Variants in GJB6 observed in about 807,000 individuals in gnomAD.
The protein encoded by GJB6 is gap junction beta-6 protein.
In GJB6, 5 loss-of-function variants were observed where a neutral mutation model predicts 5.4. The observed-to-expected ratio is 0.92, with a 90% CI of 0.48 to 1.93. The LOEUF (loss-of-function observed/expected upper bound fraction) is 1.93. GJB6 is among the 30% of genes most tolerant of loss of function. GJB6 has a pLI of 0.01. For synonymous variants in GJB6, 136 were observed against 129.6 expected (o/e 1.05, Z -0.34); for missense variants, 298 against 326.9 (o/e 0.91, Z 0.68).
intron 4 of GJB6, among the ~76,000 whole-genome samples, chr13:20,228,685 C>CT (rs1165817150): frequency 1.0e-5 from 1 of 96,348 alleles, no homozygotes; most frequent in Non-Finnish European, 2.6e-5. Flanking sequence ...GGGGTTTCAC[C>CT]GTGTTAGCCA....
rs1480009272 is a variant in GJB6, at chr13:20,222,289, ATACTT to A, written c.*401_*405del. ...GTAAGGAAGACCAGTCATTATAAAA[ATACTT>A]TATATAAATTCAAAGTCAGAACTAA... On this transcript the variant is annotated 3_prime_UTR_variant, in exon 5 of 5. Coordinates refer to ENST00000647029, the MANE Select transcript of GJB6 (RefSeq NM_001110219.3). The A allele has an allele frequency of 5.7e-6, 1 of 174,098 alleles. No homozygotes were observed. The highest frequency in any genetic ancestry group is 2.4e-5 in the African/African-American group (1 of 41,766). 10.8% of individuals were successfully genotyped at this position (174,098 alleles called of 1,614,324 possible).
At chr13:20,223,528 G>GT (rs747786856) in intron 4 of GJB6, 33 bp from the exon 5 acceptor site, 14 of 1,526,358 alleles carry the variant, frequency 9.2e-6, no homozygotes, top group African/African-American at 1.4e-5. Flanking sequence ...AGGTTTATTA[G>GT]TGGAAGAGGC....
chr13:20,224,236 T>A (rs1422786118), intron 4 of GJB6, among the ~76,000 whole-genome samples: 1 of 152,138 alleles, frequency 6.6e-6, no homozygotes, highest in African/African-American at 2.4e-5. Context: ...AAACTTTCAT[T>A]GGAATGACAT....
chr13:20,228,686 G>T (rs868299266), intron 4 of GJB6, among the ~76,000 whole-genome samples: 63 of 149,810 alleles, frequency 4.2e-4, no homozygotes, highest in Admixed American at 8.0e-4. Flanking sequence ...GGGTTTCACC[G>T]TGTTAGCCAG....
chr13:20,228,654 T>G (rs968570441), intron 4 of GJB6, among the ~76,000 whole-genome samples: 1 of 150,830 alleles, frequency 6.6e-6, no homozygotes, highest in Non-Finnish European at 1.5e-5. Context: ...CCGGCTAATT[T>G]TTTGTATTTT....
chr13:20,223,253 C>A lies in GJB6; in HGVS notation c.228G>T (p.Leu76=). The A allele has an allele frequency of 6.2e-7, 1 of 1,611,348 alleles. No homozygotes were observed. Among genetic ancestry groups the A allele is most frequent in the South Asian group, 1.1e-5 (1 of 91,022 alleles). ...AGACGAAGATCAGCTGGAGGGCCCACAGCCGGATGTGGGACACCGGGAAAA... is the reference window on the plus strand; with the variant it reads ...AGACGAAGATCAGCTGGAGGGCCCAAAGCCGGATGTGGGACACCGGGAAAA... ...DHFFPVSHIR[L]WALQLIFVST... The change falls in exon 5 of 5, where the codon CTG becomes CTT. Residue 76 remains leucine (L), a synonymous_variant. Transcript: ENST00000647029.
chr13:20,225,969 C>A (rs946037378), intron 4 of GJB6, among the ~76,000 whole-genome samples: 2 of 152,024 alleles, frequency 1.3e-5, no homozygotes, highest in South Asian at 2.1e-4. Flanking sequence ...CACAAGGTTG[C>A]GAAAAAGAGA....
intron 4 of GJB6, among the ~76,000 whole-genome samples, chr13:20,226,702 T>TGTTC (rs1249168405): frequency 6.6e-6 from 1 of 152,254 alleles, no homozygotes; most frequent in African/African-American, 2.4e-5. Flanking sequence ...TTACAGCAGC[T>TGTTC]GTTCACCTAT....
At chr13:20,227,001 G>C (rs138876786) in intron 4 of GJB6, among the ~76,000 whole-genome samples, 4 of 152,098 alleles carry the variant, frequency 2.6e-5, no homozygotes, top group Admixed American at 2.0e-4. Context: ...GCCAGAGGGG[G>C]ACATGGCCTG....
chr13:20,228,207 T>C (rs1311499951), intron 4 of GJB6, among the ~76,000 whole-genome samples: 1 of 152,226 alleles, frequency 6.6e-6, no homozygotes, highest in Non-Finnish European at 1.5e-5. Flanking sequence ...CCTCTCCTGC[T>C]TCTGGAGGGC....
chr13:20,227,665 G>A (rs891453261), intron 4 of GJB6, among the ~76,000 whole-genome samples: 1 of 152,182 alleles, frequency 6.6e-6, no homozygotes, highest in East Asian at 1.9e-4. Flanking sequence ...CCGGGGATCT[G>A]CCGTGCGTAT....
chr13:20,228,613 C>T (rs190716070), intron 4 of GJB6, among the ~76,000 whole-genome samples: 14,970 of 148,776 alleles, frequency 0.1, 827 homozygotes, highest in African/African-American at 0.12. Flanking sequence ...CCTCTCTGAG[C>T]AGCTGGGACT....
In GJB6 at chr13:20,222,385, TATC is replaced by T. The variant is rs1869232198; in HGVS notation, c.*307_*309del. 3.4e-6 allele frequency: 1 copy of T among 295,190 alleles called. No homozygotes were observed. The highest frequency in any genetic ancestry group is 7.0e-5 in the South Asian group (1 of 14,282). 18.3% of individuals were successfully genotyped at this position (295,190 alleles called of 1,614,324 possible). On this transcript the variant is annotated 3_prime_UTR_variant, in exon 5 of 5. Transcript: ENST00000647029. Reference sequence around the variant, plus strand: ...TATCAATTCCTGGATAAATGTTCCTTATCAACAACAGTTATATAAATTTTCAGA... The same window carrying T: ...TATCAATTCCTGGATAAATGTTCCTTAACAACAGTTATATAAATTTTCAGA...
intron 4 of GJB6, among the ~76,000 whole-genome samples, chr13:20,227,102 C>G (rs1023147027): frequency 3.3e-5 from 5 of 152,134 alleles, no homozygotes; most frequent in African/African-American, 1.2e-4. Flanking sequence ...GAAGCAGGGT[C>G]CCTGACCTCT....
At chr13:20,231,271 C>T (rs923625606) in intron 2 of GJB6, 111 bp downstream of exon 2, 7 of 152,226 alleles carry the variant, frequency 4.6e-5, no homozygotes, top group African/African-American at 1.2e-4. Context: ...AGACACTAAA[C>T]AGAGTGCACG....
At position 20,223,005 on chromosome 13, in the gene GJB6, TTGTAAAGGAAG is replaced by T. The variant is rs760853231; in HGVS notation, c.465_475del (p.Tyr155Ter). 6.2e-7 allele frequency: 1 copy of T among 1,614,126 alleles called. No homozygotes were observed. The highest frequency in any genetic ancestry group is 8.5e-7 in the Non-Finnish European group (1 of 1,179,998). ...CAACACCCAGGGCAGGTGGTACCCA[TTGTAAAGGAAG>T]TAAAACACATACATAAAGGCTGCTT... On this transcript the variant is annotated stop_gained and frameshift_variant, in exon 5 of 5. Transcript: ENST00000647029. LOFTEE classifies it high-confidence loss of function.
chr13:20,222,994 G>T lies in GJB6; in HGVS notation c.487C>A (p.Leu163Met). The change falls in exon 5 of 5, where the codon CTG becomes ATG. Residue 163 changes from leucine to methionine, a missense_variant. Physicochemically the swap from Leu to Met is conservative, Grantham distance 15 (BLOSUM62 2). Transcript: ENST00000647029. The stretch of plus-strand genomic sequence containing the variant: ...ATCCCACATTTCAACACCCAGGGCA[G>T]GTGGTACCCATTGTAAAGGAAGTAA... ...VFYFLYNGYH[L>M]PWVLKCGIDP... The T allele has an allele frequency of 1.2e-6, 2 of 1,614,152 alleles. No homozygotes were observed. The highest frequency in any genetic ancestry group is 1.7e-6 in the Non-Finnish European group (2 of 1,179,998).
In GJB6 at chr13:20,223,460, G is replaced by A. The variant is rs1869369099; in HGVS notation, c.21C>T (p.His7=). 1.2e-6 allele frequency: 2 copies of A among 1,613,996 alleles called. No homozygotes were observed. The highest frequency in any genetic ancestry group is 2.7e-5 in the African/African-American group (2 of 74,906). ...GTTTGTTGACACCCCCGATGAAAGTGTGCAGCGTCCCCCAATCCATTGCGC... is the reference window on the plus strand; with the variant it reads ...GTTTGTTGACACCCCCGATGAAAGTATGCAGCGTCCCCCAATCCATTGCGC... MDWGTL[H]TFIGGVNKHS... Residue 7 remains histidine, a synonymous_variant, in exon 5 of 5, where the codon CAC becomes CAT. Transcript: ENST00000647029.
intron 4 of GJB6, among the ~76,000 whole-genome samples, chr13:20,224,578 G>T (rs1376764320): frequency 2.0e-5 from 3 of 152,168 alleles, no homozygotes; most frequent in Non-Finnish European, 2.9e-5. Flanking sequence ...CCCTGTTAAT[G>T]CACTGATTCT....
Sources: allele counts gnomAD v4.1 joint callset (sites outside exome capture counted in the v4.1 genomes callset), GRCh38; gene constraint gnomAD v4.1.1; transcripts MANE v1.5; gene names NCBI Gene and HGNC (gene_info 2026-07-23, HGNC 2026-07-21).